The following GABRB2 variants were observed in gnomAD, a reference collection of about 807,000 sequenced individuals.
GABRB2 encodes the protein gamma-aminobutyric acid type A receptor subunit beta2.
Under a neutral mutation model 54.7 loss-of-function variants are expected in GABRB2, and 16 were observed. The observed-to-expected ratio is 0.29, with a 90% CI of 0.20 to 0.44. The LOEUF (loss-of-function observed/expected upper bound fraction) is 0.44. GABRB2 is among the 20% of genes least tolerant of loss of function. The pLI is 1.00. For missense variants in GABRB2, 355 were observed against 644.0 expected (o/e 0.55, Z 4.86); for synonymous variants, 244 against 233.8 (o/e 1.04, Z -0.40).
intron 4 of GABRB2, among the ~76,000 whole-genome samples, chr5:161,444,206 T>C (rs182802873): frequency 2.0e-5 from 3 of 152,082 alleles, no homozygotes; most frequent in Non-Finnish European, 2.9e-5. Flanking sequence ...CTCTGAAGGA[T>C]AGGCAAGATA....
rs370369456 is a variant in GABRB2 at position 161,361,194 on chromosome 5, C to T, written c.542-24425G>A. On this transcript the variant is annotated intron_variant, in intron 5 of 9. Transcript: ENST00000393959. ...CAATTGTATGGGCTTCATTTCAATC[C>T]TAATTTGAACAACCAAATTGTTAAA... 2.8e-4 allele frequency among the ~76,000 whole-genome samples: 43 copies of T among 151,886 alleles called. No homozygotes were observed. The East Asian group carries it at 3.1e-3, about 11-fold the overall frequency.
At chr5:161,505,687 A>C (rs1315175537) in intron 3 of GABRB2, among the ~76,000 whole-genome samples, 2 of 152,196 alleles carry the variant, frequency 1.3e-5, no homozygotes, top group Non-Finnish European at 2.9e-5. Flanking sequence ...ATAGAAAAGA[A>C]AAATAAATGA....
In GABRB2 at chr5:161,455,438, T is replaced by A. The variant is rs181731967; in HGVS notation, c.458+4186A>T. ...ACGAGAGATGGGAACTATCATCCCATGGCTGCAGACCTTTTAAATGTTGAG... is the reference window on the plus strand; with the variant it reads ...ACGAGAGATGGGAACTATCATCCCAAGGCTGCAGACCTTTTAAATGTTGAG... On this transcript the variant is annotated intron_variant, in intron 4 of 9. Coordinates refer to ENST00000393959, the MANE Select transcript of GABRB2 (RefSeq NM_001371727.1). 1.4e-3 allele frequency among the ~76,000 whole-genome samples: 208 copies of A among 152,192 alleles called. 2 individuals carry two copies. Among genetic ancestry groups the A allele is most frequent in the East Asian group, 0.013 (70 of 5,188 alleles).
At chr5:161,547,696 G>C (rs920862163), upstream of GABRB2, among the ~76,000 whole-genome samples, 1 of 152,158 alleles carries the variant, frequency 6.6e-6, no homozygotes, top group African/African-American at 2.4e-5. Context: ...ACGTGGAGGC[G>C]TGAGGGATGC....
At chr5:161,380,415 T>G (rs1393677471) in intron 5 of GABRB2, among the ~76,000 whole-genome samples, 1 of 152,136 alleles carries the variant, frequency 6.6e-6, no homozygotes, top group Non-Finnish European at 1.5e-5. Flanking sequence ...ACTTTACAAT[T>G]TTCTTTCTCT....
In GABRB2 at chr5:161,294,260, T is replaced by G. The variant is rs1439530582; in HGVS notation, c.1360A>C (p.Asn454His). The change falls in exon 10 of 10, where the codon AAT becomes CAT. Residue 454 changes from asparagine to histidine, a missense_variant. Transcript: ENST00000393959. ...AGLPRHSFGRNALERHVAQKK... is the reference protein window; with the variant it reads ...AGLPRHSFGRHALERHVAQKK... ...TGCGCCACATGTCGTTCCAGAGCAT[T>G]TCGGCCAAAACTATGCCTGGGCAAC... is the stretch of plus-strand genomic sequence containing the variant. 2 of 1,614,140 alleles carry G rather than the reference T, an allele frequency of 1.2e-6. No homozygotes were observed. The highest frequency in any genetic ancestry group is 8.5e-7 in the Non-Finnish European group (1 of 1,180,000).
In GABRB2 at chr5:161,292,707, A is replaced by G. The variant is rs1300949329; in HGVS notation, c.*1374T>C. ...AGATTGCAACATATACAATGAAAGC[A>G]CTCTTAAGAAAATCAAGCCCCAAAC... On this transcript the variant is annotated 3_prime_UTR_variant, in exon 10 of 10. Transcript: ENST00000393959. 1 of 152,162 alleles carries G rather than the reference A, an allele frequency of 6.6e-6. No individual in the cohort carries two copies. The highest frequency in any genetic ancestry group is 2.4e-5 in the African/African-American group (1 of 41,440). 9.4% of individuals were successfully genotyped at this position (152,162 alleles called of 1,614,324 possible).
At chr5:161,342,102 A>G (rs1045027682) in intron 5 of GABRB2, among the ~76,000 whole-genome samples, 1 of 151,532 alleles carries the variant, frequency 6.6e-6, no homozygotes, top group Admixed American at 6.6e-5. Context: ...ATTGTCACAC[A>G]GCAGTTTCTT....
At chr5:161,457,448 C>CCT (rs1757988465) in intron 4 of GABRB2, among the ~76,000 whole-genome samples, 1 of 139,518 alleles carries the variant, frequency 7.2e-6, no homozygotes, top group South Asian at 2.3e-4. Flanking sequence ...CCTCTCAATT[C>CCT]TTTTTTTTTT....
intron 3 of GABRB2, among the ~76,000 whole-genome samples, chr5:161,515,725 G>A (rs1313498320): frequency 2.0e-5 from 3 of 152,118 alleles, no homozygotes; most frequent in Admixed American, 1.3e-4. Flanking sequence ...GCTACTCCAT[G>A]GCTGGAAATT....
chr5:161,328,535 T>C (rs542400907), intron 8 of GABRB2, among the ~76,000 whole-genome samples: 1 of 150,920 alleles, frequency 6.6e-6, no homozygotes, highest in East Asian at 1.9e-4. Flanking sequence ...AGTTGTTAAA[T>C]GGGAAGGTAA....
chr5:161,527,998 A>G (rs901457908), intron 3 of GABRB2, among the ~76,000 whole-genome samples: 1 of 151,702 alleles, frequency 6.6e-6, no homozygotes, highest in African/African-American at 2.4e-5. Flanking sequence ...AAATATGAAT[A>G]CACAGGAGTG....
intron 3 of GABRB2, among the ~76,000 whole-genome samples, chr5:161,513,871 T>C (rs1253102981): frequency 6.6e-6 from 1 of 152,100 alleles, no homozygotes; most frequent in East Asian, 1.9e-4. Flanking sequence ...TAATAGAAAT[T>C]GCAACAAAAA....
At chr5:161,428,695 G>T (rs903660749) in intron 4 of GABRB2, among the ~76,000 whole-genome samples, 9 of 152,148 alleles carry the variant, frequency 5.9e-5, no homozygotes, top group African/African-American at 2.2e-4. Flanking sequence ...TCAGCATGGT[G>T]CTTGCTAAAC....
intron 3 of GABRB2, among the ~76,000 whole-genome samples, chr5:161,489,649 T>G (rs1194266273): frequency 1.3e-5 from 2 of 151,616 alleles, no homozygotes; most frequent in Non-Finnish European, 3.0e-5. Context: ...CAAGCAATAT[T>G]TCAGCTGCCA....
chr5:161,394,581 T>C (rs1755937725), intron 5 of GABRB2, among the ~76,000 whole-genome samples: 1 of 152,010 alleles, frequency 6.6e-6, no homozygotes, highest in Non-Finnish European at 1.5e-5. Flanking sequence ...TATGCCAAAT[T>C]TCAACATCTT....
intron 4 of GABRB2, among the ~76,000 whole-genome samples, chr5:161,418,249 T>A (rs1756740049): frequency 6.6e-6 from 1 of 152,246 alleles, no homozygotes; most frequent in African/African-American, 2.4e-5. Context: ...TAGATATAGA[T>A]ACATCAGCCT....
chr5:161,401,895 A>G lies in GABRB2; in HGVS notation c.541+9080T>C, dbSNP rs370365247. On this transcript the variant is annotated intron_variant, in intron 5 of 9. Transcript: ENST00000393959. ...AGCAGACTTTTCTGAGATGATGGAA[A>G]TGTTCTATTTGTCTCTCCTGTCCAG... 7.2e-5 allele frequency among the ~76,000 whole-genome samples: 11 copies of G among 152,222 alleles called. No individual in the cohort carries two copies. In the East Asian group the frequency reaches 1.7e-3, roughly 24 times the overall value.
At chr5:161,358,110 A>T (rs1262064781) in intron 5 of GABRB2, among the ~76,000 whole-genome samples, 2 of 152,220 alleles carry the variant, frequency 1.3e-5, no homozygotes, top group African/African-American at 4.8e-5. Flanking sequence ...CAGGTTGATG[A>T]AAAGGAAACC....
Sources: allele counts gnomAD v4.1 joint callset (sites outside exome capture counted in the v4.1 genomes callset), GRCh38; gene constraint gnomAD v4.1.1; transcripts MANE v1.5; gene names NCBI Gene and HGNC (gene_info 2026-07-23, HGNC 2026-07-21).